MAP1LC3B: variants seen among roughly 807,000 people sequenced by gnomAD.
MAP1LC3B encodes the protein microtubule associated protein 1 light chain 3 beta.
In MAP1LC3B, 12 loss-of-function variants were observed where a neutral mutation model predicts 16.7. That is an observed-to-expected ratio of 0.72 (90% CI 0.46 to 1.16). The LOEUF (loss-of-function observed/expected upper bound fraction) is 1.16, where lower values mean the gene tolerates loss of function less well. Among genes scored for constraint, MAP1LC3B ranks in the 50% most tolerant of loss-of-function variants. The pLI is 0.00. For synonymous variants in MAP1LC3B, 63 were observed against 56.5 expected (o/e 1.11, Z -0.51); for missense variants, 155 against 159.5 (o/e 0.97, Z 0.15).
chr16:87,402,388 T>C, intron 3 of MAP1LC3B, 107 bp downstream of exon 3: 1 of 1,046,822 alleles, frequency 9.6e-7, no homozygotes, highest in East Asian at 2.6e-5. Flanking sequence ...TTAAAAAATA[T>C]TTTTCAGCTG....
At chr16:87,402,763 A>T (rs1908040707) in intron 3 of MAP1LC3B, among the ~76,000 whole-genome samples, 160 bp from the exon 4 acceptor site, 1 of 152,262 alleles carries the variant, frequency 6.6e-6, no homozygotes, top group African/African-American at 2.4e-5. Context: ...TCATGTCAAT[A>T]TAATCAAAGG....
At chr16:87,400,762 G>A (rs958545265) in intron 2 of MAP1LC3B, among the ~76,000 whole-genome samples, 5 of 150,400 alleles carry the variant, frequency 3.3e-5, no homozygotes, top group South Asian at 2.1e-4. Flanking sequence ...GGCCTGGAAC[G>A]CATAGCCTCA....
intron 1 of MAP1LC3B, chr16:87,393,258 C>T (rs560340398): frequency 6.6e-6 from 1 of 152,256 alleles, no homozygotes; most frequent in Admixed American, 6.5e-5. Context: ...ACAATATTTA[C>T]TCCACGCAGA....
Position 87,403,283 on chromosome 16 carries a change from A to G in MAP1LC3B, c.*186A>G, listed in dbSNP as rs1328892151. 1.9e-6 allele frequency: 1 copy of G among 529,612 alleles called. No homozygotes were observed. The highest frequency in any genetic ancestry group is 1.9e-5 in the African/African-American group (1 of 52,594). 32.8% of individuals were successfully genotyped at this position (529,612 alleles called of 1,614,324 possible). On this transcript the variant is annotated 3_prime_UTR_variant, in exon 4 of 4. Transcript: ENST00000268607. ...GAAAAACTGAGCTCCAAGTGAGCAC[A>G]TTCAGCTTTGGAAACTATATTATTT...
chr16:87,393,496 G>A (rs1434765660), intron 1 of MAP1LC3B, among the ~76,000 whole-genome samples: 1 of 152,168 alleles, frequency 6.6e-6, no homozygotes, highest in African/African-American at 2.4e-5. Context: ...TTTGAGTTTG[G>A]ATATAGTTTT....
chr16:87,402,078 G>A, intron 2 of MAP1LC3B, 97 bp from the exon 3 acceptor site: 2 of 1,126,784 alleles, frequency 1.8e-6, no homozygotes, highest in East Asian at 2.4e-5. Flanking sequence ...CTCGTGATGT[G>A]CCCGCCTCGG....
At chr16:87,402,105 G>C in intron 2 of MAP1LC3B, 70 bp from the exon 3 acceptor site, 1 of 1,514,960 alleles carries the variant, frequency 6.6e-7, no homozygotes, top group South Asian at 1.1e-5. Context: ...AAAATGCTGG[G>C]GTTACAGGTG....
intron 1 of MAP1LC3B, among the ~76,000 whole-genome samples, chr16:87,397,912 T>G (rs1907862080): frequency 6.6e-6 from 1 of 152,198 alleles, no homozygotes; most frequent in Non-Finnish European, 1.5e-5. Context: ...TCTAACTGTA[T>G]TTTTGGGTTT....
At chr16:87,399,829 A>G in intron 2 of MAP1LC3B, 1 of 278,252 alleles carries the variant, frequency 3.6e-6, no homozygotes, top group Non-Finnish European at 7.1e-6. Context: ...GCTGGAGTGT[A>G]GTGGCGCGAT....
In MAP1LC3B at chr16:87,403,896, C is replaced by A. The variant is rs148841974; in HGVS notation, c.*799C>A. The A allele has an allele frequency of 6.6e-6, 1 of 152,164 alleles. No homozygotes were observed. Among genetic ancestry groups the A allele is most frequent in the Non-Finnish European group, 1.5e-5 (1 of 68,034 alleles). 9.4% of individuals were successfully genotyped at this position (152,164 alleles called of 1,614,324 possible). On this transcript the variant is annotated 3_prime_UTR_variant, in exon 4 of 4. Coordinates refer to ENST00000268607, the MANE Select transcript of MAP1LC3B (RefSeq NM_022818.5). ...GTTCAAACTAGTGCCTGTGTTGTTA[C>A]GGAAAGCAGCAGTGTACCAGTGTCA...
At chr16:87,394,974 G>A (rs1308714965) in intron 1 of MAP1LC3B, among the ~76,000 whole-genome samples, 1 of 137,718 alleles carries the variant, frequency 7.3e-6, no homozygotes, top group Non-Finnish European at 1.5e-5. Flanking sequence ...TTAACTATTG[G>A]CCTCAAGTGA....
At chr16:87,393,017 G>A (rs778769375) in intron 1 of MAP1LC3B, 24 of 152,308 alleles carry the variant, frequency 1.6e-4, no homozygotes, top group African/African-American at 5.8e-4. Context: ...CCTCGGTCGA[G>A]AGGAGGGGAA....
rs115342605 is a variant in MAP1LC3B at position 87,404,351 on chromosome 16, A to C, written c.*1254A>C. The C allele has an allele frequency of 6.6e-6, 1 of 152,152 alleles. No individual in the cohort carries two copies. The highest frequency in any genetic ancestry group is 1.9e-4 in the East Asian group (1 of 5,198). The allele number at this position is 152,152 out of a possible 1,614,324, so 9.4% of individuals were successfully genotyped here. On this transcript the variant is annotated 3_prime_UTR_variant, in exon 4 of 4. Coordinates refer to ENST00000268607, the MANE Select transcript of MAP1LC3B (RefSeq NM_022818.5). Reference sequence around the variant, plus strand: ...TAGACCCTATGTGTAGCAGGTCACAACTTACCCTTGTGTGTTTAGATGTGT... The same window carrying C: ...TAGACCCTATGTGTAGCAGGTCACACCTTACCCTTGTGTGTTTAGATGTGT...
At position 87,403,188 on chromosome 16, in the gene MAP1LC3B, C is replaced by T. The variant is rs199960918; in HGVS notation, c.*91C>T. On this transcript the variant is annotated 3_prime_UTR_variant, in exon 4 of 4. Transcript: ENST00000268607. ...ACCAACTGAGATCGATCAGTTCATC[C>T]AATCACAGATCATGAAACAGTAGTG... The T allele has an allele frequency of 0.02, 29,520 of 1,467,336 alleles. 344 individuals carry two copies. Among genetic ancestry groups the T allele is most frequent in the Non-Finnish European group, 0.023 (25,295 of 1,086,312 alleles). The allele number at this position is 1,467,336 out of a possible 1,614,324, so 90.9% of individuals were successfully genotyped here. A position where few individuals can be genotyped will look rare whatever the true frequency, so the allele number is the denominator to read the frequency against.
rs1908043708 is a variant in MAP1LC3B at position 87,402,863 on chromosome 16, A to G, written c.204-60A>G. The G allele has an allele frequency of 4.4e-6, 7 of 1,595,204 alleles. No individual in the cohort carries two copies. The Admixed American group carries it at 1.2e-4, about 27-fold the overall frequency. Reference sequence around the variant, plus strand: ...CGATCAGAGTGGGTGATATTTTAACACATGCTTCATCCTTCTTGTATTGTT... The same window carrying G: ...CGATCAGAGTGGGTGATATTTTAACGCATGCTTCATCCTTCTTGTATTGTT... On this transcript the variant is annotated intron_variant, in intron 3 of 3. Coordinates refer to ENST00000268607, the MANE Select transcript of MAP1LC3B (RefSeq NM_022818.5).
chr16:87,398,285 C>T (rs993207335), intron 1 of MAP1LC3B, among the ~76,000 whole-genome samples: 8 of 152,186 alleles, frequency 5.3e-5, no homozygotes, highest in African/African-American at 1.4e-4. Context: ...ACCTCAGCCT[C>T]CCAAGGTGCT....
intron 2 of MAP1LC3B, among the ~76,000 whole-genome samples, chr16:87,400,615 A>T (rs1907958034): frequency 6.6e-6 from 1 of 152,046 alleles, no homozygotes. Context: ...TAATTTTTTC[A>T]TGTCAACTAG....
intron 1 of MAP1LC3B, among the ~76,000 whole-genome samples, chr16:87,394,051 G>A (rs1907711579): frequency 6.6e-6 from 1 of 152,178 alleles, no homozygotes; most frequent in African/African-American, 2.4e-5. Flanking sequence ...ATCCGAACAA[G>A]GAATTTCCTG....
At chr16:87,400,327 A>C (rs547406293) in intron 2 of MAP1LC3B, 1 of 150,944 alleles carries the variant, frequency 6.6e-6, no homozygotes, top group Non-Finnish European at 1.5e-5. Flanking sequence ...GCAGGCGCCC[A>C]CCACCATGCG....
Sources: allele counts gnomAD v4.1 joint callset (sites outside exome capture counted in the v4.1 genomes callset), GRCh38; gene constraint gnomAD v4.1.1; transcripts MANE v1.5; gene names NCBI Gene and HGNC (gene_info 2026-07-23, HGNC 2026-07-21).